Variants in COL27A1 observed in about 807,000 individuals in gnomAD.
The protein encoded by COL27A1 is collagen type XXVII alpha 1 chain.
Under a neutral mutation model 251.3 loss-of-function variants are expected in COL27A1, and 106 were observed. The observed-to-expected ratio is 0.42, with a 90% CI of 0.36 to 0.50. COL27A1 has a LOEUF of 0.50. COL27A1 is among the 20% of genes least tolerant of loss of function. The probability of loss-of-function intolerance (pLI) is 0.00; values close to 1 mark genes in which losing one functional copy is unlikely to be tolerated. For missense variants in COL27A1, 2,325 were observed against 2,522.8 expected, an observed-to-expected ratio of 0.92 and a Z score of 1.68; for synonymous variants, 1,000 against 986.3, an observed-to-expected ratio of 1.01 and a Z score of -0.26.
chr9:114,232,636 A>C (rs1316857851), intron 16 of COL27A1, among the ~76,000 whole-genome samples: 1 of 152,220 alleles, frequency 6.6e-6, no homozygotes, highest in Non-Finnish European at 1.5e-5. Context: ...CCAGCCCCTC[A>C]TGTGGTCAGG....
intron 49 of COL27A1, among the ~76,000 whole-genome samples, chr9:114,296,176 A>G (rs1458347352): frequency 1.3e-5 from 2 of 152,230 alleles, no homozygotes; most frequent in African/African-American, 4.8e-5. Flanking sequence ...TACCAAAAGC[A>G]TGACCCAGAA....
At chr9:114,299,046 AACC>A (rs1588892535) in intron 49 of COL27A1, among the ~76,000 whole-genome samples, 2 of 152,310 alleles carry the variant, frequency 1.3e-5, no homozygotes, top group East Asian at 3.9e-4. Flanking sequence ...CCACCAAGAG[AACC>A]ACCAATAGCT....
intron 41 of COL27A1, 146 bp downstream of exon 41, chr9:114,284,923 C>T: frequency 2.5e-6 from 2 of 805,678 alleles, no homozygotes; most frequent in South Asian, 3.1e-5. Flanking sequence ...AGGCTGGTGT[C>T]ACTGCCACTG....
intron 4 of COL27A1, among the ~76,000 whole-genome samples, chr9:114,181,714 T>C (rs1283709307): frequency 6.6e-6 from 1 of 152,176 alleles, no homozygotes; most frequent in Non-Finnish European, 1.5e-5. Context: ...CTGGAGAAAG[T>C]GGACATAACA....
intron 14 of COL27A1, among the ~76,000 whole-genome samples, chr9:114,223,819 G>A (rs1382965144): frequency 1.3e-5 from 2 of 152,186 alleles, no homozygotes; most frequent in Admixed American, 1.3e-4. Flanking sequence ...TTGTGAGTGA[G>A]GATGTAGATA....
intron 7 of COL27A1, among the ~76,000 whole-genome samples, chr9:114,200,939 G>A (rs2135276383): frequency 6.6e-6 from 1 of 152,178 alleles, no homozygotes; most frequent in Non-Finnish European, 1.5e-5. Flanking sequence ...TCGGTGGACA[G>A]CCGATGTCTG....
At chr9:114,255,133 T>A (rs7043999) in intron 27 of COL27A1, among the ~76,000 whole-genome samples, 2 of 152,006 alleles carry the variant, frequency 1.3e-5, no homozygotes, top group African/African-American at 4.8e-5. Flanking sequence ...TTTTTGCCCT[T>A]TTCATGAGAA....
rs769625189 is a variant in COL27A1, at chr9:114,290,274, C to A, written c.4311C>A (p.Leu1437=). 1.9e-6 allele frequency: 3 copies of A among 1,580,104 alleles called. No individual in the cohort carries two copies. Among genetic ancestry groups the A allele is most frequent in the Non-Finnish European group, 2.6e-6 (3 of 1,163,136 alleles). The change falls in exon 47 of 61, where the codon CTC becomes CTA. Residue 1437 remains leucine (L), a synonymous_variant. Transcript: ENST00000356083. The surrounding 1 kb of genome is among the most constrained non-coding windows in gnomAD (Gnocchi z 4.6). Reference sequence around the variant, plus strand: ...GGGGCGTGGTGGGGAGACAGGGCCTCGAGGGCATCGCTGGACCAGATGGGC... The same window carrying A: ...GGGGCGTGGTGGGGAGACAGGGCCTAGAGGGCATCGCTGGACCAGATGGGC... ...GPRGVVGRQG[L]EGIAGPDGLP...
intron 21 of COL27A1, 120 bp downstream of exon 21, chr9:114,240,607 C>A: frequency 1.1e-6 from 1 of 904,512 alleles, no homozygotes; most frequent in East Asian, 2.5e-5. Flanking sequence ...GGACACCACC[C>A]AGGGCTTCCC....
Position 114,206,254 on chromosome 9 carries a change from G to A in COL27A1, c.2226G>A (p.Gly742=). The A allele has an allele frequency of 1.2e-6, 2 of 1,614,156 alleles. No homozygotes were observed. The highest frequency in any genetic ancestry group is 8.5e-7 in the Non-Finnish European group (1 of 1,179,996). The part of the protein sequence containing the change: ...PGAKGYPGRQ[G]LPGPVGDPGP... ...CCCCTCTGTGTTTTGTGTTTCAGGG[G>A]TTACCTGGACCGGTAGGAGATCCCG... is the stretch of plus-strand genomic sequence containing the variant. The change falls in exon 10 of 61, where the codon GGG becomes GGA. Residue 742 remains glycine (G), a splice_region_variant and synonymous_variant. Coordinates refer to ENST00000356083, the MANE Select transcript of COL27A1 (RefSeq NM_032888.4).
rs990082821 is a variant in COL27A1 at position 114,288,324 on chromosome 9, C to G, written c.3988-131C>G. 6.5e-6 allele frequency: 6 copies of G among 928,020 alleles called. No individual in the cohort carries two copies. In the African/African-American group the frequency reaches 9.8e-5, roughly 15 times the overall value. 57.5% of individuals were successfully genotyped at this position (928,020 alleles called of 1,614,324 possible). Reference sequence around the variant, plus strand: ...GGCTCAGACACACCTACCCTTCCCTCTCTAGTTTGTGTCCCCATCTGTAAC... The same window carrying G: ...GGCTCAGACACACCTACCCTTCCCTGTCTAGTTTGTGTCCCCATCTGTAAC... On this transcript the variant is annotated intron_variant, in intron 41 of 60. Coordinates refer to ENST00000356083, the MANE Select transcript of COL27A1 (RefSeq NM_032888.4).
chr9:114,283,041 C>G (rs1836025646), intron 39 of COL27A1, among the ~76,000 whole-genome samples: 1 of 152,180 alleles, frequency 6.6e-6, no homozygotes, highest in Non-Finnish European at 1.5e-5. Context: ...TTTGATACCT[C>G]CAGGAGATGA....
chr9:114,239,545 A>G lies in COL27A1; in HGVS notation c.2728-675A>G, dbSNP rs556965693. Among the ~76,000 whole-genome samples, 11 of 152,274 alleles carry G rather than the reference A, an allele frequency of 7.2e-5. 1 individual carries two copies. The South Asian group carries it at 2.1e-3, about 29-fold the overall frequency. The stretch of plus-strand genomic sequence containing the variant: ...TGCAAAGACCACTGTGGGGAGAGGG[A>G]GTCCCTGTGCTCTGTGGGGCCCTAA... On this transcript the variant is annotated intron_variant, in intron 19 of 60. Coordinates refer to ENST00000356083, the MANE Select transcript of COL27A1 (RefSeq NM_032888.4).
chr9:114,224,648 C>CTTTTTTTTTTT lies in COL27A1; in HGVS notation c.2466+2393_2466+2403dup, dbSNP rs5900075. On this transcript the variant is annotated intron_variant, in intron 14 of 60. Transcript: ENST00000356083. ...CTATAGCATCATAGCCCTCCTGGTT[C>CTTTTTTTTTTT]TTTTTTTTTTTTTTTTTTTTTTGAG... is the stretch of plus-strand genomic sequence containing the variant. 3.1e-5 allele frequency among the ~76,000 whole-genome samples: 3 copies of CTTTTTTTTTTT among 97,348 alleles called. 1 individual carries two copies. The highest frequency in any genetic ancestry group is 8.3e-5 in the African/African-American group (2 of 23,984). The allele number at this position is 97,348 out of a possible 152,430, so 63.9% of individuals were successfully genotyped here. A position where few individuals can be genotyped will look rare whatever the true frequency, so the allele number is the denominator to read the frequency against.
In COL27A1 at chr9:114,301,528, G is replaced by A. The variant is rs370013487; in HGVS notation, c.4809+66G>A. ...GGCGGGCACCCTGCATTCTCCTCCC[G>A]GTGGTACATTCTCTCCCTCCGGACC... On this transcript the variant is annotated intron_variant, in intron 54 of 60. Transcript: ENST00000356083. 3.0e-5 allele frequency: 47 copies of A among 1,574,058 alleles called. No individual in the cohort carries two copies. In the African/African-American group the frequency reaches 5.5e-4, roughly 18 times the overall value.
At chr9:114,188,645 C>T (rs1828547098) in intron 5 of COL27A1, among the ~76,000 whole-genome samples, 1 of 152,022 alleles carries the variant, frequency 6.6e-6, no homozygotes, top group African/African-American at 2.4e-5. Context: ...GGCATACATA[C>T]ACATATATAC....
intron 24 of COL27A1, among the ~76,000 whole-genome samples, chr9:114,247,174 T>C (rs1397323596): frequency 2.0e-5 from 3 of 152,240 alleles, no homozygotes; most frequent in Non-Finnish European, 4.4e-5. Context: ...TATATATGCT[T>C]CTTTGGCAAT....
chr9:114,284,836 T>A, intron 41 of COL27A1, 59 bp downstream of exon 41: 1 of 1,584,092 alleles, frequency 6.3e-7, no homozygotes, highest in South Asian at 1.1e-5. Flanking sequence ...GAGGTCAGCT[T>A]CAGGGCCAGC....
intron 12 of COL27A1, chr9:114,217,630 G>T: frequency 2.7e-6 from 1 of 374,078 alleles, no homozygotes; most frequent in East Asian, 7.3e-5. Context: ...GGGCTCATCT[G>T]CAGGCCATCT....
Sources: allele counts gnomAD v4.1 joint callset (sites outside exome capture counted in the v4.1 genomes callset), GRCh38; gene constraint gnomAD v4.1.1; non-coding constraint Gnocchi (gnomAD v3.1); transcripts MANE v1.5; gene names NCBI Gene and HGNC (gene_info 2026-07-23, HGNC 2026-07-21).